The following SPRR2B variants were observed in gnomAD, a reference collection of about 807,000 sequenced individuals.
The protein encoded by SPRR2B is small proline-rich protein 2B.
SPRR2B carries 1 observed loss-of-function variant against 1.0 expected under a neutral mutation model. The ratio of observed to expected loss-of-function variants is 1.01; its 90% confidence interval spans 0.36 to 4.77. The LOEUF is 4.77. Among genes scored for constraint, SPRR2B ranks in the 30% most tolerant of loss-of-function variants. SPRR2B has a pLI of 0.16. For synonymous variants in SPRR2B, 27 were observed against 33.4 expected (o/e 0.81, Z 0.66); for missense variants, 53 against 88.7 (o/e 0.60, Z 1.62).
upstream of SPRR2B, among the ~76,000 whole-genome samples, chr1:153,074,334 G>A (rs898147539): frequency 2.0e-5 from 3 of 151,728 alleles, no homozygotes; most frequent in Admixed American, 2.0e-4. Context: ...AATAGTGCTG[G>A]CAAATAAAGA....
upstream of SPRR2B, among the ~76,000 whole-genome samples, chr1:153,071,982 G>T (rs150463673): frequency 6.6e-6 from 1 of 152,086 alleles, no homozygotes; most frequent in Non-Finnish European, 1.5e-5. Flanking sequence ...TTCTTTCCTC[G>T]TACAATTTGC....
the SPRR2B span, among the ~76,000 whole-genome samples, chr1:153,087,736 A>T: frequency 2.6e-5 from 4 of 152,218 alleles, no homozygotes; most frequent in Admixed American, 2.0e-4. Flanking sequence ...TGAGCTCCAA[A>T]ATTGAATCAG....
the SPRR2B span, among the ~76,000 whole-genome samples, chr1:153,084,946 G>A: frequency 6.6e-6 from 1 of 152,090 alleles, no homozygotes; most frequent in African/African-American, 2.4e-5. Context: ...AATAGATGAA[G>A]CCAGTCATCT....
chr1:153,073,778 A>G (rs536085005), upstream of SPRR2B, among the ~76,000 whole-genome samples: 18 of 152,096 alleles, frequency 1.2e-4, no homozygotes, highest in African/African-American at 4.1e-4. Context: ...TAAAGAGGTT[A>G]GCTTTATCTT....
chr1:153,084,747 C>T, the SPRR2B span, among the ~76,000 whole-genome samples: 1 of 152,154 alleles, frequency 6.6e-6, no homozygotes, highest in Non-Finnish European at 1.5e-5. Context: ...ACTGCCACCA[C>T]ACTGCAAAAC....
chr1:153,071,291 G>A lies in SPRR2B; in HGVS notation c.-20+278C>T, dbSNP rs566743737. 1.4e-4 allele frequency among the ~76,000 whole-genome samples: 21 copies of A among 151,860 alleles called. No individual in the cohort carries two copies. The South Asian group carries it at 4.2e-3, about 30-fold the overall frequency. Reference sequence around the variant, plus strand: ...CACACCTGCTAAGACACAAACCTTTGAAAAGGATACCAGAAAAATATGGAA... The same window carrying A: ...CACACCTGCTAAGACACAAACCTTTAAAAAGGATACCAGAAAAATATGGAA... On this transcript the variant is annotated intron_variant, in intron 1 of 1. Coordinates refer to ENST00000368755, the MANE Select transcript of SPRR2B (RefSeq NM_001388198.1).
chr1:153,085,808 A>C, the SPRR2B span, among the ~76,000 whole-genome samples: 3 of 152,208 alleles, frequency 2.0e-5, no homozygotes, highest in Non-Finnish European at 4.4e-5. Flanking sequence ...TACATAGGGA[A>C]GCCATTTAGA....
chr1:153,074,924 G>C (rs1654744469), upstream of SPRR2B, among the ~76,000 whole-genome samples: 1 of 152,160 alleles, frequency 6.6e-6, no homozygotes. Flanking sequence ...TATTGTTATA[G>C]CTCTACATTT....
the SPRR2B span, among the ~76,000 whole-genome samples, chr1:153,079,209 TGTTTG>T: frequency 9.2e-6 from 1 of 108,920 alleles, no homozygotes; most frequent in Non-Finnish European, 1.6e-5. Flanking sequence ...TTGATGGGGT[TGTTTG>T]TTTTTTTTTC....
intron 1 of SPRR2B, among the ~76,000 whole-genome samples, 170 bp downstream of exon 1, chr1:153,071,398 TA>T (rs111332534): frequency 0.032 from 4,886 of 152,242 alleles, 238 homozygotes; most frequent in African/African-American, 0.11. Context: ...TAACTGTATA[TA>T]TTTTTTAAAG....
rs1252635209 is a variant in SPRR2B at position 153,070,484 on chromosome 1, G to C, written c.*137C>G. The C allele has an allele frequency of 1.4e-6, 2 of 1,452,760 alleles. No individual in the cohort carries two copies. The highest frequency in any genetic ancestry group is 1.9e-6 in the Non-Finnish European group (2 of 1,079,822). The allele number at this position is 1,452,760 out of a possible 1,614,324, so 90.0% of individuals were successfully genotyped here. ...CCTTTTGCTATCAGGGAACATCATG[G>C]GCAGATCACAGGCTAAGGGGAAAGA... On this transcript the variant is annotated 3_prime_UTR_variant, in exon 2 of 2. Transcript: ENST00000368755.
chr1:153,087,606 A>G, the SPRR2B span, among the ~76,000 whole-genome samples: 2 of 152,228 alleles, frequency 1.3e-5, no homozygotes, highest in Non-Finnish European at 2.9e-5. Context: ...ATCAGAGAAT[A>G]TTACAAACAT....
At chr1:153,084,154 C>A in the SPRR2B span, among the ~76,000 whole-genome samples, 2 of 152,180 alleles carry the variant, frequency 1.3e-5, no homozygotes, top group Admixed American at 6.5e-5. Context: ...CGTGGTCACC[C>A]ACCAGCCCAT....
At chr1:153,080,929 C>G in the SPRR2B span, among the ~76,000 whole-genome samples, 1 of 152,192 alleles carries the variant, frequency 6.6e-6, no homozygotes, top group African/African-American at 2.4e-5. Flanking sequence ...GTGGTACACA[C>G]TCATGCAATG....
At chr1:153,074,205 T>C (rs1654730749), upstream of SPRR2B, among the ~76,000 whole-genome samples, 1 of 152,226 alleles carries the variant, frequency 6.6e-6, no homozygotes, top group African/African-American at 2.4e-5. Context: ...TTAATAATTG[T>C]TCTTTTTTTC....
chr1:153,074,884 G>A (rs912249276), upstream of SPRR2B, among the ~76,000 whole-genome samples: 2 of 152,138 alleles, frequency 1.3e-5, no homozygotes, highest in African/African-American at 2.4e-5. Context: ...AGACGCTAAA[G>A]GTGGAGCTGG....
At chr1:153,078,990 G>C in the SPRR2B span, among the ~76,000 whole-genome samples, 1 of 152,160 alleles carries the variant, frequency 6.6e-6, no homozygotes, top group Non-Finnish European at 1.5e-5. Flanking sequence ...CAGTGTAAAA[G>C]TGTTCCTATT....
upstream of SPRR2B, among the ~76,000 whole-genome samples, chr1:153,075,027 A>G (rs912709583): frequency 1.3e-5 from 2 of 152,200 alleles, no homozygotes; most frequent in Non-Finnish European, 2.9e-5. Flanking sequence ...AGCCACAGAC[A>G]TGCAATAACC....
upstream of SPRR2B, among the ~76,000 whole-genome samples, chr1:153,073,168 G>A (rs941006619): frequency 3.3e-5 from 5 of 152,192 alleles, no homozygotes; most frequent in Non-Finnish European, 5.9e-5. Flanking sequence ...AGATCACCAT[G>A]GCCAGACACT....
Sources: gnomAD v4.1 joint callset for allele counts (sites outside exome capture counted in the v4.1 genomes callset) on GRCh38, gnomAD v4.1.1 for gene constraint, MANE v1.5 for transcripts, NCBI Gene and HGNC (gene_info 2026-07-23, HGNC 2026-07-21) for gene names.